TOP6BL: variants seen among roughly 807,000 people sequenced by gnomAD.
The protein encoded by TOP6BL is type 2 DNA topoisomerase 6 subunit B-like.
the TOP6BL span, among the ~76,000 whole-genome samples, chr11:66,781,271 G>A: frequency 6.6e-6 from 1 of 151,674 alleles, no homozygotes; most frequent in East Asian, 1.9e-4. Context: ...TCTCCAGATT[G>A]GATAGTTTTT....
At chr11:66,756,331 TC>T in the TOP6BL span, 3 of 1,197,468 alleles carry the variant, frequency 2.5e-6, no homozygotes, top group East Asian at 7.3e-5. Context: ...AACCCCCTTT[TC>T]CCCCCTTTTT....
the TOP6BL span, among the ~76,000 whole-genome samples, chr11:66,835,856 TA>T: frequency 6.6e-6 from 1 of 152,258 alleles, no homozygotes; most frequent in African/African-American, 2.4e-5. Context: ...AATATGCTGT[TA>T]CGAACAGCAT....
chr11:66,818,506 CAG>C, the TOP6BL span, among the ~76,000 whole-genome samples: 7 of 152,140 alleles, frequency 4.6e-5, no homozygotes, highest in African/African-American at 1.7e-4. Context: ...CTCACATAGA[CAG>C]AGGTTGGTAA....
the TOP6BL span, among the ~76,000 whole-genome samples, chr11:66,762,663 G>T: frequency 1.3e-5 from 2 of 152,098 alleles, no homozygotes; most frequent in Admixed American, 6.6e-5. Flanking sequence ...TAGAGACGGG[G>T]TTTCACCATG....
the TOP6BL span, among the ~76,000 whole-genome samples, chr11:66,842,370 C>G: frequency 6.6e-6 from 1 of 152,198 alleles, no homozygotes; most frequent in Non-Finnish European, 1.5e-5. Flanking sequence ...TCTGCATCCC[C>G]AAGACCTGCT....
At chr11:66,822,441 T>G in the TOP6BL span, 1 of 638,920 alleles carries the variant, frequency 1.6e-6, no homozygotes, top group East Asian at 2.8e-5. Context: ...TCAGTAACTT[T>G]TGTTGATGGA....
chr11:66,841,999 G>A, the TOP6BL span, among the ~76,000 whole-genome samples: 2 of 152,094 alleles, frequency 1.3e-5, no homozygotes, highest in Non-Finnish European at 2.9e-5. Context: ...GACAGCTTGA[G>A]ACTAGCCTGG....
chr11:66,755,654 T>C, the TOP6BL span, among the ~76,000 whole-genome samples: 2 of 152,348 alleles, frequency 1.3e-5, no homozygotes, highest in East Asian at 3.9e-4. Context: ...ACAAACTGGA[T>C]GGCTTGAAAC....
At chr11:66,747,987 C>G in the TOP6BL span, among the ~76,000 whole-genome samples, 3 of 152,162 alleles carry the variant, frequency 2.0e-5, no homozygotes, top group Non-Finnish European at 2.9e-5. Context: ...CAAGATGATT[C>G]ATAACCAGAT....
the TOP6BL span, among the ~76,000 whole-genome samples, chr11:66,808,242 A>C: frequency 6.6e-6 from 1 of 152,182 alleles, no homozygotes; most frequent in African/African-American, 2.4e-5. Context: ...TGACTTTAAA[A>C]AGTTATGCTT....
chr11:66,781,546 C>CT, the TOP6BL span, among the ~76,000 whole-genome samples: 296 of 151,926 alleles, frequency 1.9e-3, no homozygotes, highest in Non-Finnish European at 3.3e-3. Context: ...TGTTTCTTTT[C>CT]TTTTTTCAGA....
At chr11:66,828,192 A>G in the TOP6BL span, 3 of 1,031,896 alleles carry the variant, frequency 2.9e-6, no homozygotes, top group Non-Finnish European at 4.5e-6. Context: ...TCCCTGTATA[A>G]ACTTTCTGTG....
At chr11:66,767,328 C>T in the TOP6BL span, among the ~76,000 whole-genome samples, 2 of 152,032 alleles carry the variant, frequency 1.3e-5, no homozygotes, top group Admixed American at 1.3e-4. Context: ...AGAACTATTT[C>T]TATCATAAAT....
chr11:66,813,875 A>G, the TOP6BL span: 2 of 1,613,944 alleles, frequency 1.2e-6, no homozygotes, highest in Middle Eastern at 1.6e-4. Context: ...ATATTTCTAT[A>G]TGGACCTTTG....
At chr11:66,787,672 A>G in the TOP6BL span, among the ~76,000 whole-genome samples, 1 of 151,372 alleles carries the variant, frequency 6.6e-6, no homozygotes, top group African/African-American at 2.4e-5. Flanking sequence ...GCGAGCCGAG[A>G]TAGCGCCATT....
the TOP6BL span, among the ~76,000 whole-genome samples, chr11:66,778,992 C>T: frequency 2.0e-5 from 3 of 152,170 alleles, no homozygotes; most frequent in Admixed American, 6.5e-5. Context: ...CCCTTCCTTA[C>T]ACCTTATACA....
chr11:66,756,458 G>C, the TOP6BL span: 1 of 1,064,188 alleles, frequency 9.4e-7, no homozygotes, highest in Non-Finnish European at 1.2e-6. Context: ...TCAGTCCCCC[G>C]AGTAGCTGGG....
At chr11:66,795,142 AAT>A in the TOP6BL span, among the ~76,000 whole-genome samples, 2 of 150,588 alleles carry the variant, frequency 1.3e-5, no homozygotes, top group Admixed American at 6.6e-5. Context: ...CTCAAAAAAA[AAT>A]ATATATATAT....
chr11:66,827,801 C>T, the TOP6BL span, among the ~76,000 whole-genome samples: 3 of 151,300 alleles, frequency 2.0e-5, no homozygotes, highest in Non-Finnish European at 2.9e-5. Flanking sequence ...CCTGTCTCTA[C>T]GAAAAATACA....
Sources: allele counts gnomAD v4.1 joint callset (sites outside exome capture counted in the v4.1 genomes callset), GRCh38; gene constraint gnomAD v4.1.1; transcripts MANE v1.5; gene names NCBI Gene and HGNC (gene_info 2026-07-23, HGNC 2026-07-21).